The following SPOP variants were observed in gnomAD, a reference collection of about 807,000 sequenced individuals.
SPOP encodes the protein speckle-type POZ protein.
In SPOP, 11 loss-of-function variants were observed where a neutral mutation model predicts 45.6. That is an observed-to-expected ratio of 0.24 (90% CI 0.15 to 0.40). SPOP has a LOEUF of 0.40. SPOP is among the 10% of genes least tolerant of loss of function. SPOP has a pLI of 1.00. For missense variants in SPOP, 152 were observed against 465.6 expected (o/e 0.33, Z 6.20); for synonymous variants, 166 against 166.3 (o/e 1.00, Z 0.01).
At chr17:49,631,644 A>G (rs1007254101) in intron 1 of SPOP, among the ~76,000 whole-genome samples, 2 of 152,168 alleles carry the variant, frequency 1.3e-5, no homozygotes, top group Admixed American at 6.5e-5. Context: ...CCTTTTCATC[A>G]TGACCACCAT....
At chr17:49,650,231 C>T (rs561136769) in intron 1 of SPOP, among the ~76,000 whole-genome samples, 1 of 152,238 alleles carries the variant, frequency 6.6e-6, no homozygotes, top group Non-Finnish European at 1.5e-5. Context: ...AACAACTACT[C>T]ATAGTGGGAC....
intron 5 of SPOP, among the ~76,000 whole-genome samples, chr17:49,615,384 T>C (rs936802177): frequency 3.3e-5 from 5 of 152,186 alleles, no homozygotes; most frequent in African/African-American, 1.2e-4. Flanking sequence ...ATATAAATAA[T>C]TGGAGAAAAG....
chr17:49,632,149 T>C (rs2072462230), intron 1 of SPOP, among the ~76,000 whole-genome samples: 1 of 152,220 alleles, frequency 6.6e-6, no homozygotes, highest in South Asian at 2.1e-4. Flanking sequence ...AGTTAATAAA[T>C]TAAAGTTTAG....
intron 1 of SPOP, among the ~76,000 whole-genome samples, chr17:49,669,851 TTATC>T (rs1273775207): frequency 6.6e-6 from 1 of 151,996 alleles, no homozygotes; most frequent in Non-Finnish European, 1.5e-5. Context: ...TTCTACATGG[TTATC>T]TGTTTCCAAA....
At chr17:49,602,390 A>C (rs534890265) in intron 8 of SPOP, 1 of 178,972 alleles carries the variant, frequency 5.6e-6, no homozygotes, top group South Asian at 1.2e-4. Context: ...AGGGCAACTC[A>C]ATGGTCTGCC....
intron 9 of SPOP, 166 bp downstream of exon 9, chr17:49,601,699 G>C (rs1209780298): frequency 1.3e-6 from 1 of 788,252 alleles, no homozygotes; most frequent in Non-Finnish European, 2.0e-6. Flanking sequence ...TTCAACCCAT[G>C]AAGTCAATTC....
At chr17:49,623,571 CCTCT>C (rs1298406910) in intron 1 of SPOP, among the ~76,000 whole-genome samples, 2 of 152,202 alleles carry the variant, frequency 1.3e-5, no homozygotes, top group South Asian at 2.1e-4. Context: ...ACCTTGTTAC[CCTCT>C]CTAAGTTTGC....
At chr17:49,640,067 T>C (rs1285602625) in intron 1 of SPOP, among the ~76,000 whole-genome samples, 1 of 152,022 alleles carries the variant, frequency 6.6e-6, no homozygotes, top group East Asian at 1.9e-4. Flanking sequence ...CTGGCCAACA[T>C]GGTGAAACAC....
At chr17:49,641,983 G>A (rs937268762) in intron 1 of SPOP, among the ~76,000 whole-genome samples, 7 of 151,756 alleles carry the variant, frequency 4.6e-5, no homozygotes, top group East Asian at 1.9e-4. Context: ...CCAAGATGAC[G>A]CCACTGCACT....
chr17:49,619,396 C>G lies in SPOP; in HGVS notation c.201-11G>C, dbSNP rs370037888. On this transcript the variant is annotated splice_polypyrimidine_tract_variant and intron_variant, in intron 3 of 9. Transcript: ENST00000504102. The surrounding 1 kb of genome is among the most constrained non-coding windows in gnomAD (Gnocchi z 4.9). ...TTTACTCGCAAACACCTGTCCAAAA[C>G]AGATAGAAAAAAAAAATGTCAAAAG... is the stretch of plus-strand genomic sequence containing the variant. The G allele has an allele frequency of 1.9e-6, 3 of 1,584,336 alleles. No individual in the cohort carries two copies.
At chr17:49,622,700 T>C (rs759020793) in intron 2 of SPOP, 33 bp downstream of exon 2, 10 of 1,595,812 alleles carry the variant, frequency 6.3e-6, no homozygotes, top group Non-Finnish European at 8.6e-6. Context: ...CCTCCCCAGA[T>C]GCAAGATTCA....
At chr17:49,677,690 G>A (rs979328631) in intron 1 of SPOP, among the ~76,000 whole-genome samples, 5 of 152,228 alleles carry the variant, frequency 3.3e-5, no homozygotes, top group East Asian at 1.9e-4. Context: ...GAAATGATGG[G>A]GGGGCTGAAG....
chr17:49,668,858 G>A (rs923860323), intron 1 of SPOP, among the ~76,000 whole-genome samples: 2 of 148,068 alleles, frequency 1.4e-5, no homozygotes, highest in African/African-American at 5.0e-5. Flanking sequence ...CTCACTGCAA[G>A]CTCCACCTCC....
In SPOP at chr17:49,599,177, TA is replaced by T. The variant is rs1476508938; in HGVS notation, c.*1200del. ...TGCGACTCATTAGGCATTTCAGACA[TA>T]ATCTCTGCAAGCTGAAAACTAGGAC... On this transcript the variant is annotated 3_prime_UTR_variant, in exon 10 of 10. Transcript: ENST00000504102. 1 of 218,026 alleles carries T rather than the reference TA, an allele frequency of 4.6e-6. No homozygotes were observed. Among genetic ancestry groups the T allele is most frequent in the Non-Finnish European group, 9.2e-6 (1 of 108,434 alleles). The allele number at this position is 218,026 out of a possible 1,614,324, so 13.5% of individuals were successfully genotyped here.
chr17:49,666,476 CA>C (rs1340322062), intron 1 of SPOP, among the ~76,000 whole-genome samples: 3 of 151,690 alleles, frequency 2.0e-5, no homozygotes, highest in African/African-American at 7.3e-5. Flanking sequence ...CACACACACA[CA>C]CACACACACA....
chr17:49,614,464 A>C (rs1256973111), intron 5 of SPOP, among the ~76,000 whole-genome samples: 1 of 152,246 alleles, frequency 6.6e-6, no homozygotes, highest in Non-Finnish European at 1.5e-5. Context: ...AATAATAAAC[A>C]AGTGCATGAT....
chr17:49,665,223 G>A (rs1379067899), intron 1 of SPOP, among the ~76,000 whole-genome samples: 1 of 152,060 alleles, frequency 6.6e-6, no homozygotes, highest in Non-Finnish European at 1.5e-5. Context: ...CAAGTGATCA[G>A]TTACTAGATA....
At chr17:49,629,088 A>G (rs1437396187) in intron 1 of SPOP, among the ~76,000 whole-genome samples, 1 of 152,132 alleles carries the variant, frequency 6.6e-6, no homozygotes, top group East Asian at 1.9e-4. Context: ...CTAAAAACAC[A>G]AAAATTAGCC....
chr17:49,677,062 G>C (rs527632371), intron 1 of SPOP, among the ~76,000 whole-genome samples: 1 of 152,328 alleles, frequency 6.6e-6, no homozygotes, highest in African/African-American at 2.4e-5. Context: ...CACAAAGTAA[G>C]AAGGCCGGTG....
Sources: gnomAD v4.1 joint callset for allele counts (sites outside exome capture counted in the v4.1 genomes callset) on GRCh38, gnomAD v4.1.1 for gene constraint, Gnocchi (gnomAD v3.1) non-coding constraint, MANE v1.5 for transcripts, NCBI Gene and HGNC (gene_info 2026-07-23, HGNC 2026-07-21) for gene names.